CSMD1: variants seen among roughly 807,000 people sequenced by gnomAD.
CSMD1 encodes CUB and Sushi multiple domains 1.
Under a neutral mutation model 417.5 loss-of-function variants are expected in CSMD1, and 213 were observed. The observed-to-expected ratio is 0.51, with a 90% CI of 0.46 to 0.57. CSMD1 has a LOEUF of 0.57. Ranked by LOEUF, CSMD1 falls within the 20% of genes least tolerant of loss-of-function variation. The probability of loss-of-function intolerance (pLI) is 0.00; values close to 1 mark genes in which losing one functional copy is unlikely to be tolerated. For synonymous variants in CSMD1, 2,862 were observed against 1,736.8 expected, an observed-to-expected ratio of 1.65 and a Z score of -16.11; for missense variants, 6,923 against 4,529.7, an observed-to-expected ratio of 1.53 and a Z score of -15.17.
chr8:3,724,576 G>T (rs926055999), intron 6 of CSMD1, among the ~76,000 whole-genome samples: 9 of 152,098 alleles, frequency 5.9e-5, no homozygotes, highest in African/African-American at 2.2e-4. Context: ...CCTCTGGGCT[G>T]GGAGAGGAAT....
chr8:2,998,199 G>T lies in CSMD1; in HGVS notation c.8204-15C>A, dbSNP rs74482693. On this transcript the variant is annotated splice_polypyrimidine_tract_variant and intron_variant, in intron 53 of 69. Coordinates refer to ENST00000635120, the MANE Select transcript of CSMD1 (RefSeq NM_033225.6). ...ACATGTGATGGCTGTAGAGAGACAG[G>T]TCAACGTCATTGTTAAATATTGAAC... The T allele has an allele frequency of 4.6e-3, 7,495 of 1,612,620 alleles. 319 individuals carry two copies. The African/African-American group carries it at 0.088, about 19-fold the overall frequency.
chr8:3,334,586 C>T lies in CSMD1; in HGVS notation c.3631+8708G>A, dbSNP rs189117013. Among the ~76,000 whole-genome samples, 114 of 152,288 alleles carry T rather than the reference C, an allele frequency of 7.5e-4. 1 individual carries two copies. Among genetic ancestry groups the T allele is most frequent in the African/African-American group, 2.6e-3 (108 of 41,550 alleles). On this transcript the variant is annotated intron_variant, in intron 23 of 69. Transcript: ENST00000635120. ...ACCCACAGCTCCATGCTTTAATTTT[C>T]GCATCCACAGGCTACGTTGTAATGT... is the stretch of plus-strand genomic sequence containing the variant.
At chr8:3,170,180 T>C (rs920018615) in intron 37 of CSMD1, among the ~76,000 whole-genome samples, 33 of 152,238 alleles carry the variant, frequency 2.2e-4, no homozygotes, top group South Asian at 8.3e-4. Context: ...CATTTTTCTT[T>C]ACAACTCCGA....
chr8:3,366,969 C>T, intron 20 of CSMD1, 63 bp downstream of exon 20: 1 of 1,262,050 alleles, frequency 7.9e-7, no homozygotes, highest in Non-Finnish European at 1.1e-6. Context: ...CACACACATT[C>T]TCACTAACAG....
intron 7 of CSMD1, among the ~76,000 whole-genome samples, chr8:3,708,143 T>C (rs1329599682): frequency 6.6e-6 from 1 of 152,138 alleles, no homozygotes; most frequent in Non-Finnish European, 1.5e-5. Context: ...CCGTGTCACA[T>C]ATACTTAAGA....
intron 5 of CSMD1, among the ~76,000 whole-genome samples, chr8:3,863,374 C>A (rs1021700161): frequency 9.2e-5 from 13 of 141,690 alleles, no homozygotes; most frequent in African/African-American, 3.5e-4. Flanking sequence ...CTAGCCTAGG[C>A]TACAGCAATG....
intron 10 of CSMD1, among the ~76,000 whole-genome samples, chr8:3,565,809 CA>C (rs1563159500): frequency 6.6e-6 from 1 of 151,610 alleles, no homozygotes; most frequent in African/African-American, 2.4e-5. Flanking sequence ...AGATATCTCT[CA>C]AATATATTGT....
At chr8:3,067,160 G>C (rs1812990038) in intron 49 of CSMD1, among the ~76,000 whole-genome samples, 1 of 152,126 alleles carries the variant, frequency 6.6e-6, no homozygotes, top group Non-Finnish European at 1.5e-5. Context: ...ACCTGTCTGA[G>C]AGTGTCAGCC....
At chr8:4,445,201 G>A (rs560391318) in intron 2 of CSMD1, among the ~76,000 whole-genome samples, 14 of 152,096 alleles carry the variant, frequency 9.2e-5, no homozygotes, top group African/African-American at 3.1e-4. Flanking sequence ...CAGAATCCTG[G>A]TTAAGACTAC....
chr8:3,396,504 T>G, intron 16 of CSMD1, 123 bp from the exon 17 acceptor site: 1 of 649,982 alleles, frequency 1.5e-6, no homozygotes, highest in Non-Finnish European at 2.6e-6. Flanking sequence ...ATAGTTGAAA[T>G]TACATATGCT....
chr8:4,458,438 A>G (rs761340345), intron 2 of CSMD1, among the ~76,000 whole-genome samples: 1 of 152,204 alleles, frequency 6.6e-6, no homozygotes, highest in Non-Finnish European at 1.5e-5. Context: ...TTGGTTTCTA[A>G]AACAGTCTGA....
chr8:4,742,184 C>A (rs1209142822), intron 1 of CSMD1, among the ~76,000 whole-genome samples: 3 of 150,562 alleles, frequency 2.0e-5, no homozygotes, highest in East Asian at 2.0e-4. Context: ...GCGCCCGCCA[C>A]CACGCCCGGC....
intron 5 of CSMD1, among the ~76,000 whole-genome samples, chr8:3,923,852 A>G (rs752547525): frequency 6.6e-6 from 1 of 152,192 alleles, no homozygotes; most frequent in African/African-American, 2.4e-5. Flanking sequence ...TAGATAAGTG[A>G]AATCATGCAG....
intron 16 of CSMD1, among the ~76,000 whole-genome samples, 162 bp downstream of exon 16, chr8:3,399,226 TGAA>T (rs1013070466): frequency 1.3e-5 from 2 of 152,116 alleles, no homozygotes; most frequent in African/African-American, 4.8e-5. Context: ...AGGATACCAC[TGAA>T]GAAGAACAAA....
Position 3,588,699 on chromosome 8 carries a change from C to A in CSMD1, c.1098-2439G>T, listed in dbSNP as rs547568334. 2.6e-5 allele frequency among the ~76,000 whole-genome samples: 4 copies of A among 152,104 alleles called. No individual in the cohort carries two copies. The East Asian group carries it at 7.8e-4, about 29-fold the overall frequency. On this transcript the variant is annotated intron_variant, in intron 8 of 69. Coordinates refer to ENST00000635120, the MANE Select transcript of CSMD1 (RefSeq NM_033225.6). ...AATCAATAAGCCTAAACCCCCAAAGCGCAGACAACACAGGCAAAAACAGAC... is the reference window on the plus strand; with the variant it reads ...AATCAATAAGCCTAAACCCCCAAAGAGCAGACAACACAGGCAAAAACAGAC...
At chr8:3,764,035 C>T (rs771401738) in intron 5 of CSMD1, among the ~76,000 whole-genome samples, 1 of 152,138 alleles carries the variant, frequency 6.6e-6, no homozygotes, top group East Asian at 1.9e-4. Context: ...CACACAGCCA[C>T]CCCTTGTTTC....
chr8:3,981,252 C>G (rs547150575), intron 5 of CSMD1, among the ~76,000 whole-genome samples: 2 of 151,946 alleles, frequency 1.3e-5, no homozygotes, highest in African/African-American at 4.8e-5. Context: ...CGTTGAAAAC[C>G]AAACATCGTA....
intron 3 of CSMD1, among the ~76,000 whole-genome samples, chr8:4,174,358 TGA>T (rs1203738303): frequency 6.6e-6 from 1 of 152,112 alleles, no homozygotes; most frequent in Non-Finnish European, 1.5e-5. Flanking sequence ...GTGCAGTCTC[TGA>T]GAGAGCAAGT....
intron 5 of CSMD1, among the ~76,000 whole-genome samples, chr8:3,912,264 A>T (rs919493495): frequency 2.6e-5 from 4 of 152,206 alleles, no homozygotes; most frequent in African/African-American, 9.7e-5. Flanking sequence ...ATCACTAATT[A>T]TTCAAAAAAC....
Sources: allele counts gnomAD v4.1 joint callset (sites outside exome capture counted in the v4.1 genomes callset), GRCh38; gene constraint gnomAD v4.1.1; transcripts MANE v1.5; gene names NCBI Gene and HGNC (gene_info 2026-07-23, HGNC 2026-07-21).